SHB: variants seen among roughly 807,000 people sequenced by gnomAD.
SHB encodes the protein SH2 domain containing adaptor protein B.
In SHB, 20 loss-of-function variants were observed where a neutral mutation model predicts 52.3. That is an observed-to-expected ratio of 0.38 (90% CI 0.27 to 0.56). The LOEUF is 0.56. Ranked by LOEUF, SHB falls within the 20% of genes least tolerant of loss-of-function variation. SHB has a pLI of 0.71. For synonymous variants in SHB, 397 were observed against 316.5 expected (o/e 1.25, Z -2.70); for missense variants, 825 against 723.3 (o/e 1.14, Z -1.61).
chr9:38,024,271 C>T (rs1231537888), intron 1 of SHB, among the ~76,000 whole-genome samples: 1 of 152,270 alleles, frequency 6.6e-6, no homozygotes, highest in Non-Finnish European at 1.5e-5. Flanking sequence ...AATCTGTCTC[C>T]CAGCAGCCAC....
chr9:37,969,145 G>A (rs527506005), intron 3 of SHB, among the ~76,000 whole-genome samples: 2 of 152,180 alleles, frequency 1.3e-5, no homozygotes, highest in African/African-American at 4.8e-5. Flanking sequence ...TGAAGGGCAT[G>A]CGATACCTCT....
chr9:37,924,196 G>A (rs1490626281), intron 5 of SHB, among the ~76,000 whole-genome samples: 4 of 152,206 alleles, frequency 2.6e-5, no homozygotes, highest in East Asian at 3.8e-4. Context: ...CGTTCAGATC[G>A]CTCATTATCA....
At chr9:37,993,271 C>CGT (rs1298078203) in intron 2 of SHB, among the ~76,000 whole-genome samples, 1 of 151,844 alleles carries the variant, frequency 6.6e-6, no homozygotes, top group Non-Finnish European at 1.5e-5. Context: ...TGTGTGTGCG[C>CGT]GTGTGTGTGT....
chr9:38,030,066 G>A (rs1253927347), intron 1 of SHB, among the ~76,000 whole-genome samples: 1 of 152,186 alleles, frequency 6.6e-6, no homozygotes, highest in Non-Finnish European at 1.5e-5. Context: ...AGGGAGAAGG[G>A]CTGCAGTCTG....
chr9:38,010,584 C>T (rs560492286), intron 2 of SHB, among the ~76,000 whole-genome samples: 11 of 152,288 alleles, frequency 7.2e-5, no homozygotes, highest in South Asian at 2.1e-4. Flanking sequence ...TTCTCATCAC[C>T]GCCACCTCCC....
chr9:37,917,046 AAAAAAC>A lies in SHB; in HGVS notation c.*2769_*2774del, dbSNP rs1832108703. Among the ~76,000 whole-genome samples, 2 of 152,044 alleles carry A rather than the reference AAAAAAC, an allele frequency of 1.3e-5. No individual in the cohort carries two copies. Among genetic ancestry groups the A allele is most frequent in the South Asian group, 4.1e-4 (2 of 4,828 alleles). On this transcript the variant is annotated 3_prime_UTR_variant, in exon 6 of 6. Coordinates refer to ENST00000377707, the MANE Select transcript of SHB (RefSeq NM_003028.3). The stretch of plus-strand genomic sequence containing the variant: ...TTAATTGGCAGCAGATGAAAAAAAA[AAAAAAC>A]AAACCCAAAACAAAAACCAAACCAA...
At chr9:37,989,977 T>A (rs572774676) in intron 2 of SHB, among the ~76,000 whole-genome samples, 1 of 152,330 alleles carries the variant, frequency 6.6e-6, no homozygotes, top group Non-Finnish European at 1.5e-5. Flanking sequence ...AACATCTGGA[T>A]AATCAACATT....
At chr9:38,063,825 A>G (rs1440687778) in intron 1 of SHB, among the ~76,000 whole-genome samples, 1 of 147,696 alleles carries the variant, frequency 6.8e-6, no homozygotes, top group Admixed American at 6.7e-5. Context: ...AAAGTTAGAC[A>G]TGATATTATT....
chr9:37,979,723 A>G (rs1820700530), intron 2 of SHB, among the ~76,000 whole-genome samples: 1 of 152,110 alleles, frequency 6.6e-6, no homozygotes, highest in Non-Finnish European at 1.5e-5. Flanking sequence ...TTGGGAGGCC[A>G]AGGTGGGCAG....
intron 1 of SHB, among the ~76,000 whole-genome samples, chr9:38,065,190 T>C (rs779766400): frequency 1.3e-5 from 2 of 152,168 alleles, no homozygotes; most frequent in Non-Finnish European, 2.9e-5. Context: ...ATCTACAGTG[T>C]GCCTGGCCTC....
intron 1 of SHB, among the ~76,000 whole-genome samples, chr9:38,048,624 G>C (rs898082454): frequency 9.2e-5 from 14 of 152,034 alleles, no homozygotes; most frequent in Non-Finnish European, 2.1e-4. Context: ...ACATAGCAAG[G>C]CCCTGCCTCA....
chr9:38,059,565 G>T (rs1821865404), intron 1 of SHB, among the ~76,000 whole-genome samples: 1 of 152,178 alleles, frequency 6.6e-6, no homozygotes, highest in South Asian at 2.1e-4. Flanking sequence ...AAATATTACT[G>T]GAAAATACCA....
At chr9:38,054,672 C>T (rs555787577) in intron 1 of SHB, among the ~76,000 whole-genome samples, 2 of 152,294 alleles carry the variant, frequency 1.3e-5, no homozygotes, top group African/African-American at 2.4e-5. Context: ...GATACAATCG[C>T]ACATCTGAGG....
chr9:37,979,183 T>C (rs1820691776), intron 2 of SHB, among the ~76,000 whole-genome samples: 1 of 151,940 alleles, frequency 6.6e-6, no homozygotes, highest in Non-Finnish European at 1.5e-5. Context: ...TATCTGAACA[T>C]CAGCATCTAC....
At chr9:38,029,951 A>G (rs1821392887) in intron 1 of SHB, among the ~76,000 whole-genome samples, 1 of 152,208 alleles carries the variant, frequency 6.6e-6, no homozygotes, top group African/African-American at 2.4e-5. Flanking sequence ...ACAAGCAAGT[A>G]TGCCCACACT....
At chr9:37,970,098 C>A (rs914851455) in intron 3 of SHB, among the ~76,000 whole-genome samples, 2 of 152,210 alleles carry the variant, frequency 1.3e-5, no homozygotes, top group Non-Finnish European at 2.9e-5. Context: ...GAGCTGCAGT[C>A]CACTCCCTGC....
chr9:37,945,065 G>A (rs1354190149), intron 5 of SHB, among the ~76,000 whole-genome samples: 2 of 152,210 alleles, frequency 1.3e-5, no homozygotes, highest in East Asian at 1.9e-4. Flanking sequence ...CTGAGGGAAG[G>A]GTGCACGGGG....
intron 4 of SHB, among the ~76,000 whole-genome samples, chr9:37,950,754 C>A (rs1009681832): frequency 2.0e-5 from 3 of 152,178 alleles, no homozygotes; most frequent in African/African-American, 7.2e-5. Context: ...TAACAAGTGG[C>A]CCCGCAGGAA....
intron 1 of SHB, among the ~76,000 whole-genome samples, chr9:38,058,161 CCT>C (rs1483084532): frequency 1.3e-5 from 2 of 152,214 alleles, no homozygotes; most frequent in African/African-American, 4.8e-5. Context: ...GATGGGATCC[CCT>C]CTGTCTTGGA....
Sources: gnomAD v4.1 joint callset for allele counts (sites outside exome capture counted in the v4.1 genomes callset) on GRCh38, gnomAD v4.1.1 for gene constraint, MANE v1.5 for transcripts, NCBI Gene and HGNC (gene_info 2026-07-23, HGNC 2026-07-21) for gene names.